GATAD2B: variants seen among roughly 807,000 people sequenced by gnomAD.
The protein encoded by GATAD2B is transcriptional repressor p66-beta.
A neutral mutation model predicts 64.3 loss-of-function variants in GATAD2B; 8 were observed. That is an observed-to-expected ratio of 0.12 (90% CI 0.07 to 0.22). The LOEUF is 0.22. Ranked by LOEUF, GATAD2B falls within the 10% of genes least tolerant of loss-of-function variation. GATAD2B has a pLI of 1.00. For synonymous variants in GATAD2B, 281 were observed against 271.3 expected, an observed-to-expected ratio of 1.04 and a Z score of -0.35; for missense variants, 453 against 752.0, an observed-to-expected ratio of 0.60 and a Z score of 4.65.
chr1:153,857,798 G>T (rs1056061237), intron 1 of GATAD2B, among the ~76,000 whole-genome samples: 1 of 152,116 alleles, frequency 6.6e-6, no homozygotes, highest in Non-Finnish European at 1.5e-5. Context: ...TCCAAGACCT[G>T]TTTACCCCTA....
At chr1:153,880,126 CCT>C (rs1676963703) in intron 1 of GATAD2B, among the ~76,000 whole-genome samples, 1 of 151,876 alleles carries the variant, frequency 6.6e-6, no homozygotes, top group Admixed American at 6.6e-5. Context: ...AAGAACAACC[CCT>C]CTCCCCCACC....
chr1:153,865,399 T>G (rs1169587280), intron 1 of GATAD2B, among the ~76,000 whole-genome samples: 3 of 152,112 alleles, frequency 2.0e-5, no homozygotes, highest in Non-Finnish European at 4.4e-5. Context: ...AGGCGGAGGT[T>G]GCAGTGAGCT....
At chr1:153,906,459 T>C (rs1677942889) in intron 1 of GATAD2B, among the ~76,000 whole-genome samples, 2 of 152,034 alleles carry the variant, frequency 1.3e-5, no homozygotes, top group African/African-American at 2.4e-5. Flanking sequence ...CTTTTACAAG[T>C]TGCTGTAACA....
At position 153,818,955 on chromosome 1, in the gene GATAD2B, G is replaced by A. The variant is rs1322918735; in HGVS notation, c.466-33C>T. The stretch of plus-strand genomic sequence containing the variant: ...AACAAGAAGACTTTCAGCTATGGCA[G>A]CAAGGTACCCAGAATTCCTTCCTGC... On this transcript the variant is annotated intron_variant, in intron 3 of 10. Transcript: ENST00000368655. 4 of 1,600,182 alleles carry A rather than the reference G, an allele frequency of 2.5e-6. No individual in the cohort carries two copies. In the Admixed American group the frequency reaches 5.1e-5, roughly 20 times the overall value.
intron 1 of GATAD2B, among the ~76,000 whole-genome samples, chr1:153,876,236 A>AAAAAAAAAAAAAAAAAAAAAAC (rs1676828623): frequency 7.9e-6 from 1 of 126,272 alleles, no homozygotes; most frequent in Non-Finnish European, 1.7e-5. Context: ...TCAAAAAAAA[A>AAAAAAAAAAAAAAAAAAAAAAC]AAAAAAAAAA....
intron 1 of GATAD2B, among the ~76,000 whole-genome samples, chr1:153,838,692 A>G (rs527276468): frequency 6.6e-6 from 1 of 152,268 alleles, no homozygotes; most frequent in South Asian, 2.1e-4. Context: ...AGAGGAAGAA[A>G]ATAGAATTGA....
At chr1:153,857,444 ATGTG>A (rs373680299) in intron 1 of GATAD2B, among the ~76,000 whole-genome samples, 7 of 151,826 alleles carry the variant, frequency 4.6e-5, no homozygotes, top group East Asian at 3.9e-4. Context: ...AGACTCTCAA[ATGTG>A]TGTGTGTGTA....
At chr1:153,895,006 A>G (rs952660052) in intron 1 of GATAD2B, among the ~76,000 whole-genome samples, 9 of 151,894 alleles carry the variant, frequency 5.9e-5, no homozygotes, top group African/African-American at 2.2e-4. Context: ...TAAAAATACA[A>G]AATTAGTCAG....
chr1:153,827,015 G>A (rs969507133), intron 2 of GATAD2B, among the ~76,000 whole-genome samples: 5 of 151,418 alleles, frequency 3.3e-5, no homozygotes, highest in Non-Finnish European at 5.9e-5. Context: ...GGAGGCTGAG[G>A]AGGGAGGACC....
intron 1 of GATAD2B, among the ~76,000 whole-genome samples, chr1:153,879,559 C>T (rs935557821): frequency 2.0e-5 from 3 of 151,820 alleles, no homozygotes; most frequent in Middle Eastern, 3.4e-3. Context: ...GTCAAGAGAT[C>T]GAGACCATCC....
chr1:153,860,566 T>C (rs1004234980), intron 1 of GATAD2B, among the ~76,000 whole-genome samples: 1 of 151,724 alleles, frequency 6.6e-6, no homozygotes, highest in Non-Finnish European at 1.5e-5. Flanking sequence ...AACTCCCAGC[T>C]TCAGGTGATC....
intron 1 of GATAD2B, among the ~76,000 whole-genome samples, chr1:153,862,616 C>A (rs2101922107): frequency 6.6e-6 from 1 of 152,178 alleles, no homozygotes; most frequent in Non-Finnish European, 1.5e-5. Flanking sequence ...AAAGTGTGGG[C>A]CACTGACCAC....
At chr1:153,907,707 C>G (rs1035646554) in intron 1 of GATAD2B, among the ~76,000 whole-genome samples, 3 of 149,686 alleles carry the variant, frequency 2.0e-5, no homozygotes, top group Admixed American at 2.0e-4. Flanking sequence ...GGCGTGAGCT[C>G]GGCTCACTGC....
intron 1 of GATAD2B, chr1:153,852,450 T>G (rs1046574616): frequency 1.3e-6 from 1 of 759,756 alleles, no homozygotes; most frequent in South Asian, 1.4e-5. Context: ...GGTCTGGAGC[T>G]GCTAAGTCAG....
At chr1:153,813,979 A>G (rs562610301) in intron 7 of GATAD2B, among the ~76,000 whole-genome samples, 19 of 152,140 alleles carry the variant, frequency 1.2e-4, no homozygotes, top group African/African-American at 4.6e-4. Context: ...CTCAGTCTCA[A>G]ACAACAACAA....
At chr1:153,859,174 G>A (rs1160175211) in intron 1 of GATAD2B, among the ~76,000 whole-genome samples, 1 of 151,772 alleles carries the variant, frequency 6.6e-6, no homozygotes, top group Admixed American at 6.6e-5. Context: ...ACCAGCCTGG[G>A]CAACATAGCA....
chr1:153,912,902 G>A (rs940709183), intron 1 of GATAD2B, among the ~76,000 whole-genome samples: 6 of 151,960 alleles, frequency 3.9e-5, no homozygotes, highest in African/African-American at 7.2e-5. Flanking sequence ...AGACCAGCCT[G>A]GCCAACATGG....
chr1:153,897,457 T>C (rs1570998580), intron 1 of GATAD2B, among the ~76,000 whole-genome samples: 1 of 152,214 alleles, frequency 6.6e-6, no homozygotes, highest in Non-Finnish European at 1.5e-5. Flanking sequence ...GATTGGGATA[T>C]GTGAACAAAA....
intron 1 of GATAD2B, among the ~76,000 whole-genome samples, chr1:153,889,998 A>C (rs1474502284): frequency 1.3e-5 from 2 of 151,748 alleles, no homozygotes; most frequent in Non-Finnish European, 2.9e-5. Context: ...ACATGGAGAA[A>C]CTTGTCTTTA....
Sources: allele counts gnomAD v4.1 joint callset (sites outside exome capture counted in the v4.1 genomes callset), GRCh38; gene constraint gnomAD v4.1.1; transcripts MANE v1.5; gene names NCBI Gene and HGNC (gene_info 2026-07-23, HGNC 2026-07-21).